Variants in TMBIM6 observed in about 807,000 individuals in gnomAD.
TMBIM6 encodes the protein bax inhibitor 1.
TMBIM6 carries 13 observed loss-of-function variants against 31.4 expected under a neutral mutation model. The observed-to-expected ratio is 0.41, with a 90% CI of 0.27 to 0.66. The LOEUF (loss-of-function observed/expected upper bound fraction) is 0.66. TMBIM6 is among the 30% of genes least tolerant of loss of function. TMBIM6 has a pLI of 0.28. For missense variants in TMBIM6, 275 were observed against 289.5 expected (o/e 0.95, Z 0.36); for synonymous variants, 85 against 101.7 (o/e 0.84, Z 0.99).
chr12:49,758,099 G>T (rs1945639890), intron 4 of TMBIM6, 128 bp from the exon 5 acceptor site: 2 of 952,496 alleles, frequency 2.1e-6, no homozygotes, highest in Non-Finnish European at 3.3e-6. Context: ...GGAGGGGAGA[G>T]AGATTTAATT....
intron 4 of TMBIM6, 60 bp from the exon 5 acceptor site, chr12:49,758,167 G>A (rs1264388052): frequency 1.3e-6 from 2 of 1,598,076 alleles, no homozygotes; most frequent in Non-Finnish European, 1.7e-6. Flanking sequence ...TCAGCTTTTG[G>A]ATGAGGATCC....
At chr12:49,743,666 A>G (rs1945340547) in intron 1 of TMBIM6, 1 of 152,226 alleles carries the variant, frequency 6.6e-6, no homozygotes, top group African/African-American at 2.4e-5. Flanking sequence ...GAAAAATGTC[A>G]TAGGAATCAA....
chr12:49,742,038 A>G lies in TMBIM6; in HGVS notation c.-31+427A>G, dbSNP rs1945304406. 7 of 1,509,066 alleles carry G rather than the reference A, an allele frequency of 4.6e-6. No individual in the cohort carries two copies. In the South Asian group the frequency reaches 8.6e-5, roughly 18 times the overall value. The allele number at this position is 1,509,066 out of a possible 1,614,324, so 93.5% of individuals were successfully genotyped here. On this transcript the variant is annotated intron_variant, in intron 1 of 9. Transcript: ENST00000267115. ...GGTGAAGGAACGCGAAACTCCACCC[A>G]TCCGATTGCTGTTCGGCTGCGGGCG...
chr12:49,743,259 CA>C (rs1247508267), intron 1 of TMBIM6, among the ~76,000 whole-genome samples: 1 of 150,584 alleles, frequency 6.6e-6, no homozygotes, highest in Admixed American at 6.6e-5. Flanking sequence ...TTTTTTGAGA[CA>C]GTCTCACTCC....
intron 1 of TMBIM6, among the ~76,000 whole-genome samples, chr12:49,751,279 T>G (rs1048515135): frequency 1.3e-5 from 2 of 152,344 alleles, no homozygotes; most frequent in Admixed American, 1.3e-4. Flanking sequence ...TGCATTAGTA[T>G]TAATATCCTG....
rs556279449 is a variant in TMBIM6, at chr12:49,762,544, G to A, written c.691-329G>A. 2.0e-5 allele frequency among the ~76,000 whole-genome samples: 3 copies of A among 152,286 alleles called. No individual in the cohort carries two copies. The East Asian group carries it at 5.8e-4, about 29-fold the overall frequency. ...TTGGCCTCTAGTTTCACTCTTTGAG[G>A]ATAGAGTGCCATCTGCAGCCTTCAC... is the stretch of plus-strand genomic sequence containing the variant. On this transcript the variant is annotated intron_variant, in intron 9 of 9. Coordinates refer to ENST00000267115, the MANE Select transcript of TMBIM6 (RefSeq NM_003217.3).
rs755647700 is a variant in TMBIM6, at chr12:49,752,533, T to C, written c.40T>C (p.Leu14=). The change falls in exon 2 of 10, where the codon TTA becomes CTA. Residue 14 remains leucine, a synonymous_variant. Transcript: ENST00000267115. ...FDRKINFDAL[L]KFSHITPSTQ... is the part of the protein sequence containing the mutation. ...TCGAAAGATCAACTTTGATGCGCTT[T>C]TAAAATTTTCTCATATGTAAGTGTT... 1.4e-5 allele frequency: 23 copies of C among 1,613,696 alleles called. No homozygotes were observed. Among genetic ancestry groups the C allele is most frequent in the Non-Finnish European group, 1.9e-5 (22 of 1,179,970 alleles).
intron 1 of TMBIM6, among the ~76,000 whole-genome samples, chr12:49,746,771 A>G (rs1463012763): frequency 2.7e-5 from 4 of 146,800 alleles, no homozygotes; most frequent in African/African-American, 7.4e-5. Context: ...CCAAAAACAC[A>G]GAAGAAGAAG....
intron 3 of TMBIM6, among the ~76,000 whole-genome samples, chr12:49,754,512 C>G (rs1214592501): frequency 1.3e-5 from 2 of 152,134 alleles, no homozygotes. Context: ...AGCAAGGTAT[C>G]TATTGATCAT....
chr12:49,762,737 T>C (rs904992807), intron 9 of TMBIM6, 136 bp from the exon 10 acceptor site: 17 of 844,476 alleles, frequency 2.0e-5, no homozygotes, highest in Non-Finnish European at 2.9e-5. Flanking sequence ...CAGTTCTTGC[T>C]GAGCTAAGGA....
At chr12:49,747,317 G>A (rs1424332666) in intron 1 of TMBIM6, among the ~76,000 whole-genome samples, 1 of 152,030 alleles carries the variant, frequency 6.6e-6, no homozygotes, top group East Asian at 1.9e-4. Context: ...TGTTGCCCAG[G>A]CTGGGGTGCA....
At chr12:49,758,800 C>T (rs756761618) in intron 7 of TMBIM6, 38 bp downstream of exon 7, 31 of 1,528,288 alleles carry the variant, frequency 2.0e-5, no homozygotes, top group African/African-American at 2.8e-5. Flanking sequence ...AGCCATTTGC[C>T]TCACACTTCT....
intron 8 of TMBIM6, among the ~76,000 whole-genome samples, chr12:49,760,926 G>A (rs867916806): frequency 6.6e-6 from 1 of 151,782 alleles, no homozygotes; most frequent in South Asian, 2.1e-4. Flanking sequence ...CGCAGCCTCC[G>A]TCTCCCGGCT....
intron 8 of TMBIM6, among the ~76,000 whole-genome samples, chr12:49,761,132 G>A (rs746052098): frequency 2.6e-5 from 4 of 151,950 alleles, no homozygotes; most frequent in Non-Finnish European, 5.9e-5. Flanking sequence ...CACTGTGCTC[G>A]GCACTTTTTT....
intron 1 of TMBIM6, among the ~76,000 whole-genome samples, chr12:49,749,316 G>C (rs999159164): frequency 6.6e-6 from 1 of 152,132 alleles, no homozygotes; most frequent in Non-Finnish European, 1.5e-5. Flanking sequence ...TCTGTACATT[G>C]TGTCATATAC....
chr12:49,743,059 A>G (rs755892832), intron 1 of TMBIM6, among the ~76,000 whole-genome samples: 2 of 139,848 alleles, frequency 1.4e-5, no homozygotes, highest in Non-Finnish European at 3.0e-5. Context: ...GTCATGGCTC[A>G]CTTGAACCTT....
chr12:49,758,560 C>G (rs926914409), intron 6 of TMBIM6, 80 bp downstream of exon 6: 1 of 1,550,474 alleles, frequency 6.4e-7, no homozygotes, highest in African/African-American at 1.4e-5. Flanking sequence ...TTACCCCTAA[C>G]TCCTTTGCGA....
At chr12:49,742,117 T>A in intron 1 of TMBIM6, 1 of 1,606,768 alleles carries the variant, frequency 6.2e-7, no homozygotes, top group Non-Finnish European at 8.5e-7. Flanking sequence ...AGACTCGAGG[T>A]AGGGCCTGGC....
intron 1 of TMBIM6, among the ~76,000 whole-genome samples, chr12:49,748,476 T>A (rs1056785713): frequency 1.1e-4 from 16 of 152,342 alleles, no homozygotes; most frequent in Admixed American, 3.3e-4. Flanking sequence ...AGCTCTTAGC[T>A]TTTTGTTTTT....
Sources: allele counts gnomAD v4.1 joint callset (sites outside exome capture counted in the v4.1 genomes callset), GRCh38; gene constraint gnomAD v4.1.1; transcripts MANE v1.5; gene names NCBI Gene and HGNC (gene_info 2026-07-23, HGNC 2026-07-21).